Variants in CNTN6 observed in about 807,000 individuals in gnomAD.
CNTN6 encodes contactin 6.
In CNTN6, 137 loss-of-function variants were observed where a neutral mutation model predicts 122.8. The observed-to-expected ratio is 1.12, with a 90% CI of 0.97 to 1.29. The LOEUF is 1.29. CNTN6 is among the 50% of genes most tolerant of loss of function. CNTN6 has a pLI of 0.00. For missense variants in CNTN6, 1,634 were observed against 1,223.4 expected, an observed-to-expected ratio of 1.34 and a Z score of -5.01; for synonymous variants, 570 against 426.0, an observed-to-expected ratio of 1.34 and a Z score of -4.16.
rs56703431 is a variant in CNTN6, at chr3:1,160,344, G to GTATATATATATA, written c.55+12294_55+12305dup. Among the ~76,000 whole-genome samples the GTATATATATATA allele has an allele frequency of 1.9e-3, 214 of 111,112 alleles. 8 individuals carry two copies. The highest frequency in any genetic ancestry group is 4.9e-3 in the South Asian group (15 of 3,038). The allele number at this position is 111,112 out of a possible 152,430, so 72.9% of individuals were successfully genotyped here. On this transcript the variant is annotated intron_variant, in intron 2 of 22. Transcript: ENST00000446702. ...TCTCATCACACAATTTACTTTTACT[G>GTATATATATATA]TATATATATATATATATATATATAC...
rs73002400 is a variant in CNTN6, at chr3:1,274,828, G to A, written c.359-3585G>A. The stretch of plus-strand genomic sequence containing the variant: ...TCATAGTAATTACCACTACCCAGTA[G>A]TAGTAATTACCAATATTCTAGGCTT... On this transcript the variant is annotated intron_variant, in intron 4 of 22. Coordinates refer to ENST00000446702, the MANE Select transcript of CNTN6 (RefSeq NM_001289080.2). 9.8e-3 allele frequency among the ~76,000 whole-genome samples: 1,492 copies of A among 152,222 alleles called. 13 individuals are homozygous for A. Among genetic ancestry groups the A allele is most frequent in the Non-Finnish European group, 0.016 (1,071 of 67,998 alleles).
chr3:1,224,260 A>C (rs1333023854), intron 3 of CNTN6, among the ~76,000 whole-genome samples: 1 of 151,906 alleles, frequency 6.6e-6, no homozygotes. Context: ...CCAGAGGCTG[A>C]GTCAGGGAGG....
chr3:1,322,357 C>T (rs893544629), intron 8 of CNTN6, among the ~76,000 whole-genome samples: 1 of 151,596 alleles, frequency 6.6e-6, no homozygotes, highest in South Asian at 2.1e-4. Flanking sequence ...CTCTCGTAAA[C>T]TTAAGAGAGA....
chr3:1,198,853 C>A (rs1283648457), intron 2 of CNTN6, among the ~76,000 whole-genome samples: 1 of 152,138 alleles, frequency 6.6e-6, no homozygotes, highest in South Asian at 2.1e-4. Context: ...ACAGAGTCTT[C>A]GCATATGTAA....
chr3:1,296,371 C>G (rs893452843), intron 6 of CNTN6, among the ~76,000 whole-genome samples: 5 of 152,096 alleles, frequency 3.3e-5, no homozygotes, highest in Non-Finnish European at 5.9e-5. Flanking sequence ...GAACATAATT[C>G]ACACTAGTCT....
intron 20 of CNTN6, among the ~76,000 whole-genome samples, chr3:1,400,980 TAC>T (rs1249095375): frequency 1.3e-5 from 2 of 152,138 alleles, no homozygotes; most frequent in Non-Finnish European, 2.9e-5. Context: ...TTAGTTGTGT[TAC>T]AGTTAGAAAG....
At chr3:1,323,937 G>A (rs1267401489) in intron 8 of CNTN6, among the ~76,000 whole-genome samples, 1 of 150,604 alleles carries the variant, frequency 6.6e-6, no homozygotes, top group African/African-American at 2.5e-5. Flanking sequence ...CATAAAATCA[G>A]ATATATCTGA....
At chr3:1,160,858 A>G (rs1297487731) in intron 2 of CNTN6, among the ~76,000 whole-genome samples, 1 of 152,110 alleles carries the variant, frequency 6.6e-6, no homozygotes, top group Non-Finnish European at 1.5e-5. Flanking sequence ...GAATTTTGTA[A>G]GCAAGTCGTT....
At chr3:1,399,466 T>C (rs1695399796) in intron 20 of CNTN6, among the ~76,000 whole-genome samples, 1 of 152,126 alleles carries the variant, frequency 6.6e-6, no homozygotes, top group African/African-American at 2.4e-5. Context: ...CTAAAAGCTT[T>C]CAGGCCTTTA....
chr3:1,227,782 T>C (rs751520408), intron 3 of CNTN6, 36 bp from the exon 4 acceptor site: 6 of 1,601,628 alleles, frequency 3.7e-6, no homozygotes, highest in Non-Finnish European at 5.1e-6. Context: ...ATTGACTCTG[T>C]ATATTATAAG....
At chr3:1,249,604 C>A (rs1215036927) in intron 4 of CNTN6, among the ~76,000 whole-genome samples, 1 of 152,136 alleles carries the variant, frequency 6.6e-6, no homozygotes. Context: ...TTTAACAAGT[C>A]AATTGCAGGT....
chr3:1,289,250 A>T lies in CNTN6; in HGVS notation c.455-6351A>T, dbSNP rs1025972976. Reference sequence around the variant, plus strand: ...AGTGGCTGATGCTGGAACAAAATAGATAAAAGCCCCCAGTGCAGGCTGGCT... The same window carrying T: ...AGTGGCTGATGCTGGAACAAAATAGTTAAAAGCCCCCAGTGCAGGCTGGCT... On this transcript the variant is annotated intron_variant, in intron 5 of 22. Coordinates refer to ENST00000446702, the MANE Select transcript of CNTN6 (RefSeq NM_001289080.2). Among the ~76,000 whole-genome samples the T allele has an allele frequency of 4.6e-5, 7 of 152,240 alleles. No homozygotes were observed. The South Asian group carries it at 1.2e-3, about 27-fold the overall frequency.
rs190847250 is a variant in CNTN6 at position 1,290,382 on chromosome 3, T to A, written c.455-5219T>A. ...AGTGAGGAACATTTGTCTTAGAATG[T>A]GAGTAAGGTTGGTTACTTGTGGAGC... is the stretch of plus-strand genomic sequence containing the variant. On this transcript the variant is annotated intron_variant, in intron 5 of 22. Coordinates refer to ENST00000446702, the MANE Select transcript of CNTN6 (RefSeq NM_001289080.2). Among the ~76,000 whole-genome samples, 30 of 152,256 alleles carry A rather than the reference T, an allele frequency of 2.0e-4. No homozygotes were observed. The East Asian group carries it at 5.8e-3, about 29-fold the overall frequency.
chr3:1,192,153 T>A lies in CNTN6; in HGVS notation c.56-28534T>A, dbSNP rs1004945222. Among the ~76,000 whole-genome samples the A allele has an allele frequency of 2.6e-5, 4 of 152,160 alleles. No individual in the cohort carries two copies. In the East Asian group the frequency reaches 5.8e-4, roughly 22 times the overall value. On this transcript the variant is annotated intron_variant, in intron 2 of 22. Transcript: ENST00000446702. ...TTTTCTAATGGATAAGCTCATCTAG[T>A]GGATAACAATGGGATAATATTCAAA...
At chr3:1,365,518 C>T (rs1041312112) in intron 12 of CNTN6, among the ~76,000 whole-genome samples, 10 of 151,762 alleles carry the variant, frequency 6.6e-5, no homozygotes, top group South Asian at 2.1e-4. Flanking sequence ...GCAACATTTC[C>T]GGACATTGTT....
intron 5 of CNTN6, among the ~76,000 whole-genome samples, chr3:1,285,163 C>CAGAT (rs1286458723): frequency 6.6e-6 from 1 of 152,078 alleles, no homozygotes; most frequent in Non-Finnish European, 1.5e-5. Flanking sequence ...TTGCTGTAGA[C>CAGAT]AGATAGATAA....
In CNTN6 at chr3:1,305,940, T is replaced by C. The variant is rs1199685007; in HGVS notation, c.761+7949T>C. ...GTGACAGAGGAGCTATTTCTTATAG[T>C]GTTTGCTTTTCGTCTTACTAATGTG... On this transcript the variant is annotated intron_variant, in intron 7 of 22. Transcript: ENST00000446702. Among the ~76,000 whole-genome samples the C allele has an allele frequency of 5.3e-5, 8 of 152,330 alleles. No individual in the cohort carries two copies. In the East Asian group the frequency reaches 1.5e-3, roughly 29 times the overall value.
intron 1 of CNTN6, among the ~76,000 whole-genome samples, chr3:1,111,339 T>C (rs1302089290): frequency 6.6e-6 from 1 of 152,172 alleles, no homozygotes; most frequent in African/African-American, 2.4e-5. Flanking sequence ...TTCAGGCACT[T>C]TCTTTAGTAC....
chr3:1,273,731 C>G (rs1265191584), intron 4 of CNTN6, among the ~76,000 whole-genome samples: 1 of 152,166 alleles, frequency 6.6e-6, no homozygotes, highest in African/African-American at 2.4e-5. Context: ...ACTTGTGTGA[C>G]TTTTGAGAGG....
Sources: gnomAD v4.1 joint callset for allele counts (sites outside exome capture counted in the v4.1 genomes callset) on GRCh38, gnomAD v4.1.1 for gene constraint, MANE v1.5 for transcripts, NCBI Gene and HGNC (gene_info 2026-07-23, HGNC 2026-07-21) for gene names.